The following TSHZ1 variants were observed in gnomAD, a reference collection of about 807,000 sequenced individuals.
TSHZ1 encodes the protein teashirt zinc finger homeobox 1.
Under a neutral mutation model 67.1 loss-of-function variants are expected in TSHZ1, and 12 were observed. That is an observed-to-expected ratio of 0.18 (90% CI 0.11 to 0.29). The LOEUF is 0.29. Among genes scored for constraint, TSHZ1 ranks in the 10% least tolerant of loss-of-function variants. The pLI, the probability that TSHZ1 is intolerant of heterozygous loss-of-function variation, is 1.00. For missense variants in TSHZ1, 1,305 were observed against 1,413.9 expected (o/e 0.92, Z 1.23); for synonymous variants, 632 against 622.4 (o/e 1.02, Z -0.23).
At chr18:75,257,334 T>C (rs932485090) in intron 1 of TSHZ1, among the ~76,000 whole-genome samples, 3 of 152,202 alleles carry the variant, frequency 2.0e-5, no homozygotes, top group Non-Finnish European at 4.4e-5. Flanking sequence ...TTTTTATTGC[T>C]GTTGTAAGCC....
chr18:75,249,837 G>A (rs8088492), intron 1 of TSHZ1, among the ~76,000 whole-genome samples: 1,587 of 145,576 alleles, frequency 0.011, 23 homozygotes, highest in African/African-American at 0.037. Flanking sequence ...CCTCACCCCT[G>A]TAGTAGGCGG....
chr18:75,240,569 T>G (rs1050254359), intron 1 of TSHZ1, among the ~76,000 whole-genome samples: 1 of 152,156 alleles, frequency 6.6e-6, no homozygotes, highest in Non-Finnish European at 1.5e-5. Flanking sequence ...ATGATCTCAG[T>G]CCATGGGTTT....
intron 1 of TSHZ1, among the ~76,000 whole-genome samples, chr18:75,226,553 G>A (rs1413891756): frequency 1.3e-5 from 2 of 150,662 alleles, no homozygotes; most frequent in African/African-American, 2.4e-5. Flanking sequence ...GTAAGCTGTC[G>A]TTCAATCTGT....
At chr18:75,220,980 A>G (rs568213815) in intron 1 of TSHZ1, 26 of 152,348 alleles carry the variant, frequency 1.7e-4, no homozygotes, top group African/African-American at 6.0e-4. Context: ...ATCGTGGCGC[A>G]TTCTGCAGGA....
chr18:75,248,431 T>C (rs1422155418), intron 1 of TSHZ1, among the ~76,000 whole-genome samples: 2 of 152,264 alleles, frequency 1.3e-5, no homozygotes, highest in Non-Finnish European at 2.9e-5. Flanking sequence ...CTCACCTTCG[T>C]GTGTATTTCA....
chr18:75,239,502 G>C (rs1240962825), intron 1 of TSHZ1, among the ~76,000 whole-genome samples: 1 of 152,126 alleles, frequency 6.6e-6, no homozygotes, highest in East Asian at 1.9e-4. Context: ...TAAAGTCCCA[G>C]TCCTTTGTTT....
intron 1 of TSHZ1, among the ~76,000 whole-genome samples, chr18:75,244,343 T>C (rs2023196409): frequency 6.6e-6 from 1 of 152,102 alleles, no homozygotes; most frequent in Non-Finnish European, 1.5e-5. Context: ...TTCCGGTTCA[T>C]TCTTGCAACA....
At chr18:75,272,235 A>G (rs2023567152) in intron 1 of TSHZ1, among the ~76,000 whole-genome samples, 1 of 152,346 alleles carries the variant, frequency 6.6e-6, no homozygotes, top group East Asian at 1.9e-4. Context: ...CAGGTCTGAG[A>G]GATGAGAATC....
At chr18:75,266,002 A>G (rs1197393756) in intron 1 of TSHZ1, among the ~76,000 whole-genome samples, 1 of 152,158 alleles carries the variant, frequency 6.6e-6, no homozygotes, top group African/African-American at 2.4e-5. Flanking sequence ...ATTAAAGCAA[A>G]TGGTATCAAC....
rs527338403 is a variant in TSHZ1, at chr18:75,260,285, C to T, written c.41-25163C>T. ...TCCTGGACAAAAGAAAAATATCTCC[C>T]GCTTTTGCATTTTCCCCAGCATTCA... On this transcript the variant is annotated intron_variant, in intron 1 of 1. Transcript: ENST00000580243. Among the ~76,000 whole-genome samples, 5 of 152,304 alleles carry T rather than the reference C, an allele frequency of 3.3e-5. No individual in the cohort carries two copies. The South Asian group carries it at 1.0e-3, about 32-fold the overall frequency.
chr18:75,248,040 A>G (rs2023246200), intron 1 of TSHZ1, among the ~76,000 whole-genome samples: 1 of 152,198 alleles, frequency 6.6e-6, no homozygotes, highest in South Asian at 2.1e-4. Flanking sequence ...CGCACTAGCC[A>G]AATAATTTTT....
At chr18:75,214,503 A>G (rs1270836483) in intron 1 of TSHZ1, among the ~76,000 whole-genome samples, 1 of 152,220 alleles carries the variant, frequency 6.6e-6, no homozygotes, top group Non-Finnish European at 1.5e-5. Context: ...AAGTGTTTTT[A>G]TTATAACATC....
chr18:75,251,773 T>G (rs2023307284), intron 1 of TSHZ1, among the ~76,000 whole-genome samples: 1 of 152,196 alleles, frequency 6.6e-6, no homozygotes, highest in Non-Finnish European at 1.5e-5. Flanking sequence ...TGAATTATTT[T>G]CGGTCATGTT....
chr18:75,243,594 T>C (rs890678515), intron 1 of TSHZ1, among the ~76,000 whole-genome samples: 2 of 152,126 alleles, frequency 1.3e-5, no homozygotes, highest in African/African-American at 4.8e-5. Context: ...GATGAATCAA[T>C]GTGGGTTTGT....
At chr18:75,211,942 G>T (rs2022698780) in intron 1 of TSHZ1, 26 bp downstream of exon 1, 8 of 1,202,244 alleles carry the variant, frequency 6.7e-6, no homozygotes, top group Non-Finnish European at 8.3e-6. Context: ...CCCGCGCCGC[G>T]GGGAGTGGGC....
chr18:75,237,578 A>T (rs545767714), intron 1 of TSHZ1, among the ~76,000 whole-genome samples: 1 of 152,238 alleles, frequency 6.6e-6, no homozygotes, highest in South Asian at 2.1e-4. Flanking sequence ...ATGTGTGTAT[A>T]CATATATACA....
chr18:75,277,496 A>G (rs1464895792), intron 1 of TSHZ1, among the ~76,000 whole-genome samples: 1 of 151,892 alleles, frequency 6.6e-6, no homozygotes, highest in Non-Finnish European at 1.5e-5. Flanking sequence ...GACTTGTATT[A>G]CTCACAGTTC....
intron 1 of TSHZ1, among the ~76,000 whole-genome samples, chr18:75,219,255 G>T: frequency 6.6e-6 from 1 of 152,164 alleles, no homozygotes; most frequent in South Asian, 2.1e-4. Context: ...GTGTAGCTGG[G>T]CAGAGTAGAA....
chr18:75,285,398 C>T, intron 1 of TSHZ1, 50 bp from the exon 2 acceptor site: 1 of 1,420,532 alleles, frequency 7.0e-7, no homozygotes, highest in Non-Finnish European at 9.2e-7. Context: ...GAGGCTGTCT[C>T]TTTGAAGATG....
Sources: allele counts gnomAD v4.1 joint callset (sites outside exome capture counted in the v4.1 genomes callset), GRCh38; gene constraint gnomAD v4.1.1; transcripts MANE v1.5; gene names NCBI Gene and HGNC (gene_info 2026-07-23, HGNC 2026-07-21).